Variants in FAM151B observed in about 807,000 individuals in gnomAD.
FAM151B encodes family with sequence similarity 151 member B.
A neutral mutation model predicts 31.2 loss-of-function variants in FAM151B; 24 were observed. That is an observed-to-expected ratio of 0.77 (90% confidence interval 0.56 to 1.08). The LOEUF (loss-of-function observed/expected upper bound fraction) is 1.08. FAM151B is among the 50% of genes least tolerant of loss of function. FAM151B has a pLI of 0.00. For missense variants in FAM151B, 293 were observed against 328.6 expected (o/e 0.89, Z 0.84); for synonymous variants, 105 against 111.4 (o/e 0.94, Z 0.36).
chr5:80,526,259 T>C (rs1479328726), intron 5 of FAM151B, among the ~76,000 whole-genome samples: 1 of 152,160 alleles, frequency 6.6e-6, no homozygotes, highest in African/African-American at 2.4e-5. Context: ...GAGTCAACTA[T>C]ATTGATTTGG....
At chr5:80,493,617 G>A (rs1743398807) in intron 1 of FAM151B, among the ~76,000 whole-genome samples, 1 of 152,190 alleles carries the variant, frequency 6.6e-6, no homozygotes. Context: ...TCTATAGACA[G>A]CTGCTCTGGG....
rs1162454291 is a variant in FAM151B at position 80,538,511 on chromosome 5, T to TC, written c.672-3161dup. ...CCTTCCTTCCTTCCTTTCTTTTCTTTCTTTCCTTCCTTCCTTCCTTCCTTC... is the reference window on the plus strand; with the variant it reads ...CCTTCCTTCCTTCCTTTCTTTTCTTTCCTTTCCTTCCTTCCTTCCTTCCTTC... On this transcript the variant is annotated intron_variant, in intron 5 of 5. Coordinates refer to ENST00000282226, the MANE Select transcript of FAM151B (RefSeq NM_205548.3). Among the ~76,000 whole-genome samples the TC allele has an allele frequency of 7.6e-4, 80 of 105,142 alleles. 4 individuals are homozygous for TC. Among genetic ancestry groups the TC allele is most frequent in the Middle Eastern group, 4.4e-3 (1 of 228 alleles). The allele number at this position is 105,142 out of a possible 152,430, so 69.0% of individuals were successfully genotyped here.
At chr5:80,513,557 T>C in intron 2 of FAM151B, 47 bp from the exon 3 acceptor site, 1 of 1,567,074 alleles carries the variant, frequency 6.4e-7, no homozygotes, top group Non-Finnish European at 8.7e-7. Flanking sequence ...CCTGTAGTTC[T>C]GTGCCCTGTT....
chr5:80,534,540 T>G (rs1169437274), intron 5 of FAM151B, among the ~76,000 whole-genome samples: 1 of 152,104 alleles, frequency 6.6e-6, no homozygotes, highest in Non-Finnish European at 1.5e-5. Flanking sequence ...GAAAAAACAT[T>G]GGGTAAAATT....
intron 1 of FAM151B, among the ~76,000 whole-genome samples, chr5:80,496,631 A>C (rs1456582763): frequency 6.6e-6 from 1 of 152,106 alleles, no homozygotes; most frequent in Non-Finnish European, 1.5e-5. Flanking sequence ...TTAGTTAACA[A>C]AATGTCAGTA....
At position 80,494,445 on chromosome 5, in the gene FAM151B, T is replaced by TTCTTTCTG. The variant is rs1373746322; in HGVS notation, c.25+6304_25+6305insGTCTTTCT. ...TCTTTCTTTCTGTCTTTCTTTCTTT[T>TTCTTTCTG]TCTTTCTTTCTTTTCTTTCTTTCTT... is the stretch of plus-strand genomic sequence containing the variant. On this transcript the variant is annotated intron_variant, in intron 1 of 5. Coordinates refer to ENST00000282226, the MANE Select transcript of FAM151B (RefSeq NM_205548.3). 6.3e-5 allele frequency among the ~76,000 whole-genome samples: 3 copies of TTCTTTCTG among 47,260 alleles called. 1 individual carries two copies. Among genetic ancestry groups the TTCTTTCTG allele is most frequent in the African/African-American group, 1.5e-4 (3 of 20,400 alleles). The allele number at this position is 47,260 out of a possible 152,430, so 31.0% of individuals were successfully genotyped here.
intron 2 of FAM151B, among the ~76,000 whole-genome samples, chr5:80,506,758 T>C (rs550656554): frequency 7.2e-5 from 11 of 152,350 alleles, no homozygotes; most frequent in African/African-American, 2.6e-4. Context: ...GAGATTTTTT[T>C]CCCTAAAGGC....
chr5:80,496,935 T>C (rs1408666432), intron 1 of FAM151B, among the ~76,000 whole-genome samples: 1 of 150,192 alleles, frequency 6.7e-6, no homozygotes, highest in African/African-American at 2.5e-5. Context: ...CTCAGACTCC[T>C]GAGTAGCTGG....
At chr5:80,511,914 C>G (rs972547438) in intron 2 of FAM151B, among the ~76,000 whole-genome samples, 2 of 152,172 alleles carry the variant, frequency 1.3e-5, no homozygotes, top group South Asian at 4.1e-4. Context: ...GCCATTTCCA[C>G]TATTTTAAAT....
intron 5 of FAM151B, 120 bp downstream of exon 5, chr5:80,522,258 G>A: frequency 9.5e-7 from 1 of 1,052,118 alleles, no homozygotes; most frequent in Non-Finnish European, 1.4e-6. Context: ...GAAAAGGAAT[G>A]AAAACTGATG....
In FAM151B at chr5:80,522,084, C is replaced by G. The variant is rs1164421021; in HGVS notation, c.617C>G (p.Ala206Gly). ...SQPVTFPVRA[A>G]LVRQSCSQLL... ...CCTGTAACGTTCCCTGTCAGAGCAG[C>G]ATTAGTCAGGCAGTCTTGTTCTCAG... The change falls in exon 5 of 6, where the codon GCA becomes GGA. Residue 206 changes from alanine (A) to glycine (G), a missense_variant. Coordinates refer to ENST00000282226, the MANE Select transcript of FAM151B (RefSeq NM_205548.3). 2 of 1,613,032 alleles carry G rather than the reference C, an allele frequency of 1.2e-6. No individual in the cohort carries two copies. The highest frequency in any genetic ancestry group is 1.3e-5 in the African/African-American group (1 of 74,908).
intron 1 of FAM151B, among the ~76,000 whole-genome samples, chr5:80,494,878 A>G (rs1743472729): frequency 6.6e-6 from 1 of 152,124 alleles, no homozygotes; most frequent in Non-Finnish European, 1.5e-5. Context: ...TAGAACTTTC[A>G]TTGCTAGAGG....
At chr5:80,507,631 A>C (rs550717419) in intron 2 of FAM151B, among the ~76,000 whole-genome samples, 1 of 152,344 alleles carries the variant, frequency 6.6e-6, no homozygotes, top group South Asian at 2.1e-4. Flanking sequence ...CAGTGAGCTG[A>C]GATCATGCCA....
intron 1 of FAM151B, among the ~76,000 whole-genome samples, chr5:80,495,809 C>T (rs147128361): frequency 0.013 from 1,595 of 125,590 alleles, 34 homozygotes; most frequent in African/African-American, 0.049. Flanking sequence ...CCAGCCTGGG[C>T]GAAAGAGCGA....
chr5:80,528,555 C>T (rs1745076299), intron 5 of FAM151B, among the ~76,000 whole-genome samples: 1 of 151,904 alleles, frequency 6.6e-6, no homozygotes, highest in Admixed American at 6.6e-5. Context: ...CAAAAAAGAG[C>T]AGGAGTAGAT....
intron 2 of FAM151B, among the ~76,000 whole-genome samples, chr5:80,509,165 G>A (rs1208568459): frequency 6.6e-6 from 1 of 151,576 alleles, no homozygotes; most frequent in African/African-American, 2.4e-5. Context: ...TTCCAGTAGA[G>A]ATGAGGTCTC....
intron 1 of FAM151B, among the ~76,000 whole-genome samples, chr5:80,488,352 G>A (rs1260273331): frequency 6.6e-6 from 1 of 152,252 alleles, no homozygotes; most frequent in African/African-American, 2.4e-5. Flanking sequence ...GGTTTGCCGG[G>A]TGGGCTCTAA....
Position 80,538,456 on chromosome 5 carries a change from T to TTC in FAM151B, c.672-3215_672-3214dup, listed in dbSNP as rs1491101307. Among the ~76,000 whole-genome samples the TTC allele has an allele frequency of 3.3e-3, 194 of 59,548 alleles. 9 individuals are homozygous for TTC. The highest frequency in any genetic ancestry group is 4.0e-3 in the Non-Finnish European group (113 of 28,172). The allele number at this position is 59,548 out of a possible 152,430, so 39.1% of individuals were successfully genotyped here. On this transcript the variant is annotated intron_variant, in intron 5 of 5. Coordinates refer to ENST00000282226, the MANE Select transcript of FAM151B (RefSeq NM_205548.3). ...TCTTTCTTTCTTTCTTTCTCTTTCTTTCTTTCTTTCTTTCTTTCTTTCTTT... is the reference window on the plus strand; with the variant it reads ...TCTTTCTTTCTTTCTTTCTCTTTCTTTCTCTTTCTTTCTTTCTTTCTTTCTTT...
intron 2 of FAM151B, among the ~76,000 whole-genome samples, chr5:80,506,731 T>G (rs1407146187): frequency 6.6e-6 from 1 of 152,204 alleles, no homozygotes; most frequent in African/African-American, 2.4e-5. Context: ...GTTCTACTGC[T>G]CTGGTTTCCA....
Sources: gnomAD v4.1 joint callset for allele counts (sites outside exome capture counted in the v4.1 genomes callset) on GRCh38, gnomAD v4.1.1 for gene constraint, MANE v1.5 for transcripts, NCBI Gene and HGNC (gene_info 2026-07-23, HGNC 2026-07-21) for gene names.